DICER1: variants seen among roughly 807,000 people sequenced by gnomAD.
DICER1 encodes dicer 1, ribonuclease III.
In DICER1, 43 loss-of-function variants were observed where a neutral mutation model predicts 194.1. That is an observed-to-expected ratio of 0.22 (90% CI 0.17 to 0.29). DICER1 has a LOEUF of 0.29. Ranked by LOEUF, DICER1 falls within the 10% of genes least tolerant of loss-of-function variation. The probability of loss-of-function intolerance (pLI) is 1.00; values close to 1 mark genes in which losing one functional copy is unlikely to be tolerated. For synonymous variants in DICER1, 832 were observed against 820.5 expected, an observed-to-expected ratio of 1.01 and a Z score of -0.24; for missense variants, 1,608 against 2,317.0, an observed-to-expected ratio of 0.69 and a Z score of 6.28.
At chr14:95,116,400 C>T (rs1892467558) in intron 10 of DICER1, 53 bp downstream of exon 10, 1 of 1,591,220 alleles carries the variant, frequency 6.3e-7, no homozygotes, top group African/African-American at 1.3e-5. Context: ...ACAAAGAAGC[C>T]ACATTAATTT....
rs756260449 is a variant in DICER1 at position 95,087,460 on chromosome 14, G to A, written c.*3038C>T. ...CAAAAATGACCTATTTAAGTTGTGC[G>A]AGTATATGACACATTGCAGGCATTA... On this transcript the variant is annotated 3_prime_UTR_variant, in exon 27 of 27. Coordinates refer to ENST00000343455, the MANE Select transcript of DICER1 (RefSeq NM_177438.3). The A allele has an allele frequency of 1.3e-5, 3 of 233,050 alleles. No individual in the cohort carries two copies. Among genetic ancestry groups the A allele is most frequent in the Non-Finnish European group, 2.5e-5 (3 of 117,984 alleles). 14.4% of individuals were successfully genotyped at this position (233,050 alleles called of 1,614,324 possible).
At chr14:95,119,085 C>T (rs1295245089) in intron 8 of DICER1, among the ~76,000 whole-genome samples, 2 of 152,000 alleles carry the variant, frequency 1.3e-5, no homozygotes, top group Non-Finnish European at 2.9e-5. Flanking sequence ...GTCTAAAATA[C>T]AAAATAAATC....
rs1555367674 is a variant in DICER1 at position 95,096,202 on chromosome 14, C to G, written c.4718G>C (p.Ser1573Thr). ...VEALLGCYLT[S>T]CGERAAQLFL... ...AAGCTGAGCAGCCCTCTCCCCACAGCTGGTTAAATAGCAGCCCAGCAGGGC... is the reference window on the plus strand; with the variant it reads ...AAGCTGAGCAGCCCTCTCCCCACAGGTGGTTAAATAGCAGCCCAGCAGGGC... Residue 1573 changes from serine (S) to threonine (T), a missense_variant, in exon 23 of 27, where the codon AGC becomes ACC. Ser to Thr is a moderately conservative substitution (Grantham distance 58, BLOSUM62 1). Around this residue, in one of 10 missense-constraint regions of DICER1, gnomAD observed 125 missense variants for 134.9 expected, o/e 0.93. Transcript: ENST00000343455. The G allele has an allele frequency of 6.2e-7, 1 of 1,614,228 alleles. No individual in the cohort carries two copies. Among genetic ancestry groups the G allele is most frequent in the Non-Finnish European group, 8.5e-7 (1 of 1,180,036 alleles).
At chr14:95,129,908 G>A (rs1469026528) in intron 5 of DICER1, 150 bp downstream of exon 5, 23 of 716,772 alleles carry the variant, frequency 3.2e-5, no homozygotes, top group Non-Finnish European at 5.2e-5. Context: ...AGATTTAAAT[G>A]AACATTAATT....
intron 1 of DICER1, among the ~76,000 whole-genome samples, chr14:95,151,560 C>T (rs1895512954): frequency 6.6e-6 from 1 of 151,602 alleles, no homozygotes; most frequent in Non-Finnish European, 1.5e-5. Flanking sequence ...GAAGCTGAGA[C>T]TCAAGAGACG....
chr14:95,106,599 A>T (rs1891450089), intron 17 of DICER1, among the ~76,000 whole-genome samples: 1 of 152,144 alleles, frequency 6.6e-6, no homozygotes, highest in South Asian at 2.1e-4. Context: ...TTGTCATATA[A>T]AACGTATTAC....
Position 95,090,644 on chromosome 14 carries a change from CG to C in DICER1, c.5622del (p.Tyr1874Ter), listed in dbSNP as rs770261663. 1.2e-6 allele frequency: 2 copies of C among 1,614,074 alleles called. No homozygotes were observed. Among genetic ancestry groups the C allele is most frequent in the South Asian group, 1.1e-5 (1 of 91,080 alleles). On this transcript the variant is annotated frameshift_variant, in exon 27 of 27. Transcript: ENST00000343455. LOFTEE classifies it high-confidence loss of function. ...TAKFSPAERT[Y>X]DGKVRVTVEV... is the part of the protein sequence containing the mutation. ...TCCACAGTGACTCTGACCTTCCCGT[CG>C]TAAGTTCTCTCAGCCGGGCTGTAAA...
intron 26 of DICER1, 124 bp from the exon 27 acceptor site, chr14:95,090,787 C>T (rs1889730331): frequency 1.6e-6 from 2 of 1,232,422 alleles, no homozygotes; most frequent in Non-Finnish European, 2.4e-6. Flanking sequence ...ACAAAGGAAA[C>T]ACGCGTTACG....
intron 21 of DICER1, among the ~76,000 whole-genome samples, chr14:95,100,721 G>A (rs74079035): frequency 3.5e-4 from 54 of 152,122 alleles, no homozygotes; most frequent in African/African-American, 1.1e-3. Flanking sequence ...CATAAAGCTC[G>A]GTTCCTTATT....
intron 1 of DICER1, among the ~76,000 whole-genome samples, chr14:95,139,413 A>G (rs540694134): frequency 1.3e-5 from 2 of 152,342 alleles, no homozygotes; most frequent in East Asian, 3.9e-4. Flanking sequence ...AGGTTGTTAG[A>G]ATGAAAACAA....
At chr14:95,144,284 G>T (rs1894993281) in intron 1 of DICER1, among the ~76,000 whole-genome samples, 1 of 152,070 alleles carries the variant, frequency 6.6e-6, no homozygotes. Flanking sequence ...ACTGAGTAAG[G>T]CAACTGGGGA....
At chr14:95,102,400 A>C (rs1381799823) in intron 21 of DICER1, among the ~76,000 whole-genome samples, 2 of 152,196 alleles carry the variant, frequency 1.3e-5, no homozygotes, top group Non-Finnish European at 2.9e-5. Context: ...AAACACGTGC[A>C]AACTCCTTAG....
chr14:95,146,008 C>A (rs1895109070), intron 1 of DICER1, among the ~76,000 whole-genome samples: 2 of 152,140 alleles, frequency 1.3e-5, no homozygotes, highest in Admixed American at 1.3e-4. Context: ...GTTTGGTAAA[C>A]CCTGGTTCAT....
rs1156544450 is a variant in DICER1 at position 95,090,329 on chromosome 14, A to G, written c.*169T>C. The stretch of plus-strand genomic sequence containing the variant: ...TACAATTAGTTCCAAAATTTTATAC[A>G]TATGTTAAATGTTTTATTCTGTTAT... On this transcript the variant is annotated 3_prime_UTR_variant, in exon 27 of 27. Coordinates refer to ENST00000343455, the MANE Select transcript of DICER1 (RefSeq NM_177438.3). 5 of 725,070 alleles carry G rather than the reference A, an allele frequency of 6.9e-6. No homozygotes were observed. Among genetic ancestry groups the G allele is most frequent in the Non-Finnish European group, 9.0e-6 (4 of 442,334 alleles). The allele number at this position is 725,070 out of a possible 1,614,324, so 44.9% of individuals were successfully genotyped here.
At chr14:95,133,034 C>T (rs1230316201) in intron 2 of DICER1, among the ~76,000 whole-genome samples, 1 of 152,114 alleles carries the variant, frequency 6.6e-6, no homozygotes, top group Non-Finnish European at 1.5e-5. Context: ...AGGTTCCTAC[C>T]CAGCTCACTA....
chr14:95,118,749 A>G (rs996583425), intron 8 of DICER1, among the ~76,000 whole-genome samples: 5 of 152,162 alleles, frequency 3.3e-5, no homozygotes, highest in Non-Finnish European at 5.9e-5. Flanking sequence ...GTCATATTAC[A>G]TAGTATAAAT....
At chr14:95,101,422 A>T (rs928886760) in intron 21 of DICER1, among the ~76,000 whole-genome samples, 3 of 152,150 alleles carry the variant, frequency 2.0e-5, no homozygotes, top group Non-Finnish European at 2.9e-5. Flanking sequence ...ACACTTGTCC[A>T]AGCCTCTGAT....
intron 1 of DICER1, among the ~76,000 whole-genome samples, chr14:95,146,347 T>C (rs969701473): frequency 6.6e-6 from 1 of 152,206 alleles, no homozygotes; most frequent in Non-Finnish European, 1.5e-5. Context: ...ATTGGTTTCT[T>C]ACACTGTCAA....
intron 9 of DICER1, among the ~76,000 whole-genome samples, chr14:95,117,231 G>T (rs1256340525): frequency 6.6e-6 from 1 of 151,036 alleles, no homozygotes; most frequent in East Asian, 1.9e-4. Context: ...AACAAAATAG[G>T]CCTTTAAATG....
Sources: allele counts gnomAD v4.1 joint callset (sites outside exome capture counted in the v4.1 genomes callset), GRCh38; gene constraint gnomAD v4.1.1; regional missense constraint gnomAD v4.1.1; transcripts MANE v1.5; gene names NCBI Gene and HGNC (gene_info 2026-07-23, HGNC 2026-07-21).